The following SLC24A3 variants were observed in gnomAD, a reference collection of about 807,000 sequenced individuals.
SLC24A3 encodes solute carrier family 24 member 3.
A neutral mutation model predicts 75.8 loss-of-function variants in SLC24A3; 28 were observed. The observed-to-expected ratio is 0.37, with a 90% CI of 0.27 to 0.51. The LOEUF (loss-of-function observed/expected upper bound fraction) is 0.51. Ranked by LOEUF, SLC24A3 falls within the 20% of genes least tolerant of loss-of-function variation. SLC24A3 has a pLI of 0.94. For missense variants in SLC24A3, 663 were observed against 847.8 expected (o/e 0.78, Z 2.71); for synonymous variants, 372 against 334.1 (o/e 1.11, Z -1.24).
intron 2 of SLC24A3, among the ~76,000 whole-genome samples, chr20:19,427,613 A>G (rs571445059): frequency 6.6e-6 from 1 of 152,330 alleles, no homozygotes; most frequent in East Asian, 1.9e-4. Flanking sequence ...ACAAGCTGCT[A>G]TCGGGAACCC....
At chr20:19,329,421 A>G (rs1214899945) in intron 2 of SLC24A3, among the ~76,000 whole-genome samples, 2 of 152,144 alleles carry the variant, frequency 1.3e-5, no homozygotes, top group Non-Finnish European at 2.9e-5. Flanking sequence ...CTTCCCTCCT[A>G]TCAGTAGAGC....
chr20:19,281,120 G>A, intron 2 of SLC24A3, 33 bp downstream of exon 2: 1 of 1,611,752 alleles, frequency 6.2e-7, no homozygotes, highest in Non-Finnish European at 8.5e-7. Context: ...GGCAGCAGCT[G>A]TCATTTTCTC....
chr20:19,423,231 A>T (rs1986947005), intron 2 of SLC24A3, among the ~76,000 whole-genome samples: 1 of 152,128 alleles, frequency 6.6e-6, no homozygotes, highest in South Asian at 2.1e-4. Context: ...GGTCATCCAG[A>T]TGTTGTGGGA....
At chr20:19,416,990 T>C (rs1986838167) in intron 2 of SLC24A3, among the ~76,000 whole-genome samples, 1 of 152,152 alleles carries the variant, frequency 6.6e-6, no homozygotes, top group Non-Finnish European at 1.5e-5. Flanking sequence ...TTGAAGCAGG[T>C]GGCACTTCAG....
At chr20:19,471,471 T>C (rs984528934) in intron 2 of SLC24A3, among the ~76,000 whole-genome samples, 2 of 152,222 alleles carry the variant, frequency 1.3e-5, no homozygotes, top group African/African-American at 2.4e-5. Context: ...TGAATGTTTC[T>C]AGATGTTGAA....
intron 6 of SLC24A3, among the ~76,000 whole-genome samples, chr20:19,627,475 A>G (rs2031879151): frequency 6.6e-6 from 1 of 152,192 alleles, no homozygotes; most frequent in Admixed American, 6.5e-5. Flanking sequence ...ATGGAAGTCT[A>G]CTTACACTTT....
chr20:19,684,412 T>A, intron 11 of SLC24A3, 76 bp downstream of exon 11: 1 of 1,486,730 alleles, frequency 6.7e-7, no homozygotes, highest in African/African-American at 1.4e-5. Flanking sequence ...GTTTCTTGTT[T>A]GAAAGAAGAA....
chr20:19,556,035 C>A (rs1197941236), intron 3 of SLC24A3, among the ~76,000 whole-genome samples: 1 of 152,070 alleles, frequency 6.6e-6, no homozygotes, highest in African/African-American at 2.4e-5. Flanking sequence ...TCAGAGATGC[C>A]ACCTTTTTGC....
At chr20:19,646,646 G>T (rs1165956552) in intron 6 of SLC24A3, among the ~76,000 whole-genome samples, 2 of 152,182 alleles carry the variant, frequency 1.3e-5, no homozygotes, top group African/African-American at 4.8e-5. Flanking sequence ...CACAAAGTGG[G>T]CACACGTGGT....
intron 2 of SLC24A3, among the ~76,000 whole-genome samples, chr20:19,323,070 G>A (rs1357353147): frequency 4.0e-5 from 6 of 151,524 alleles, no homozygotes; most frequent in African/African-American, 1.5e-4. Flanking sequence ...GCCGGGCGTG[G>A]TAGCGGGCGC....
chr20:19,308,208 G>A (rs972377745), intron 2 of SLC24A3, among the ~76,000 whole-genome samples: 19 of 152,116 alleles, frequency 1.2e-4, no homozygotes, highest in African/African-American at 4.1e-4. Context: ...GTTTTCTAAC[G>A]GACTCATAAA....
chr20:19,680,520 G>C (rs535256290), intron 9 of SLC24A3, among the ~76,000 whole-genome samples: 18 of 152,198 alleles, frequency 1.2e-4, no homozygotes, highest in Non-Finnish European at 1.9e-4. Context: ...GCAGCCATCA[G>C]TGCTCAGTGT....
intron 1 of SLC24A3, among the ~76,000 whole-genome samples, chr20:19,277,389 C>T (rs539920802): frequency 2.6e-5 from 4 of 152,330 alleles, no homozygotes; most frequent in East Asian, 3.9e-4. Flanking sequence ...GATGTAGCCA[C>T]GGATTGGCTC....
intron 6 of SLC24A3, among the ~76,000 whole-genome samples, chr20:19,623,391 C>T (rs555144091): frequency 3.4e-4 from 52 of 152,302 alleles, no homozygotes; most frequent in African/African-American, 1.2e-3. Context: ...GAAACAGGAG[C>T]TGCAAAGGAC....
At chr20:19,444,845 T>C (rs1600232359) in intron 2 of SLC24A3, among the ~76,000 whole-genome samples, 1 of 151,870 alleles carries the variant, frequency 6.6e-6, no homozygotes, top group African/African-American at 2.4e-5. Flanking sequence ...TTTTTTCTTC[T>C]GCTTACTTTG....
chr20:19,394,230 A>G (rs987406273), intron 2 of SLC24A3, among the ~76,000 whole-genome samples: 2 of 152,194 alleles, frequency 1.3e-5, no homozygotes, highest in African/African-American at 4.8e-5. Flanking sequence ...AGACCTAAAT[A>G]TAATATCTAA....
chr20:19,235,309 G>A (rs1982132799), intron 1 of SLC24A3, among the ~76,000 whole-genome samples: 1 of 152,214 alleles, frequency 6.6e-6, no homozygotes, highest in Non-Finnish European at 1.5e-5. Context: ...AGTAAGGTGA[G>A]GTAGGGTGGT....
chr20:19,450,172 A>G (rs1987456084), intron 2 of SLC24A3, among the ~76,000 whole-genome samples: 1 of 152,204 alleles, frequency 6.6e-6, no homozygotes, highest in African/African-American at 2.4e-5. Context: ...TCTTTGGCTC[A>G]TAAGAAGTTA....
intron 6 of SLC24A3, among the ~76,000 whole-genome samples, chr20:19,642,228 G>T (rs1057279195): frequency 6.6e-6 from 1 of 152,214 alleles, no homozygotes; most frequent in African/African-American, 2.4e-5. Context: ...AGAGGGGTCT[G>T]TTCTTCCCTA....
Sources: allele counts gnomAD v4.1 joint callset (sites outside exome capture counted in the v4.1 genomes callset), GRCh38; gene constraint gnomAD v4.1.1; transcripts MANE v1.5; gene names NCBI Gene and HGNC (gene_info 2026-07-23, HGNC 2026-07-21).